The following ADCY3 variants were observed in gnomAD, a reference collection of about 807,000 sequenced individuals.
ADCY3 encodes the protein adenylate cyclase type 3.
A neutral mutation model predicts 119.4 loss-of-function variants in ADCY3; 70 were observed. The observed-to-expected ratio is 0.59, with a 90% CI of 0.48 to 0.72. The LOEUF (loss-of-function observed/expected upper bound fraction) is 0.72, where lower values mean the gene tolerates loss of function less well. Among genes scored for constraint, ADCY3 ranks in the 30% least tolerant of loss-of-function variants. The pLI, the probability that ADCY3 is intolerant of heterozygous loss-of-function variation, is 0.00. For missense variants in ADCY3, 1,238 were observed against 1,541.6 expected (o/e 0.80, Z 3.30); for synonymous variants, 672 against 621.4 (o/e 1.08, Z -1.21).
At chr2:24,820,933 C>T in intron 20 of ADCY3, 85 bp from the exon 21 acceptor site, 1 of 1,540,444 alleles carries the variant, frequency 6.5e-7, no homozygotes, top group Non-Finnish European at 8.8e-7. Flanking sequence ...CAGACCTGTA[C>T]CACAAAGCTC....
intron 2 of ADCY3, among the ~76,000 whole-genome samples, chr2:24,876,908 A>G (rs1019428061): frequency 2.0e-5 from 3 of 152,188 alleles, no homozygotes; most frequent in African/African-American, 4.8e-5. Context: ...TTCCCACTCC[A>G]AGGTACGAGT....
rs72848403 is a variant in ADCY3, at chr2:24,878,414, G to C, written c.676-5695C>G. Among the ~76,000 whole-genome samples the C allele has an allele frequency of 0.018, 2,703 of 152,180 alleles. 75 individuals are homozygous for C. The highest frequency in any genetic ancestry group is 0.062 in the African/African-American group (2,584 of 41,488). Reference sequence around the variant, plus strand: ...CTGGAGGCGGTTTGGTGGCTCTCTTGCCCAAACCAATCTCTTCCTATAAGC... The same window carrying C: ...CTGGAGGCGGTTTGGTGGCTCTCTTCCCCAAACCAATCTCTTCCTATAAGC... On this transcript the variant is annotated intron_variant, in intron 2 of 21. Coordinates refer to ENST00000679454, the MANE Select transcript of ADCY3 (RefSeq NM_004036.5). The surrounding 1 kb of genome is among the most constrained non-coding windows in gnomAD (Gnocchi z 4.0).
chr2:24,832,078 CA>C (rs1469255745), intron 11 of ADCY3: 5 of 41,250 alleles, frequency 1.2e-4, no homozygotes, highest in Admixed American at 4.8e-4. Context: ...GGGCAGGGGA[CA>C]GGGGCCGGGG....
chr2:24,886,882 C>A (rs1348816172), intron 2 of ADCY3, among the ~76,000 whole-genome samples: 3 of 152,224 alleles, frequency 2.0e-5, no homozygotes, highest in Non-Finnish European at 4.4e-5. Flanking sequence ...CCCTGGGGCT[C>A]TGCTAGGCAG....
chr2:24,864,565 G>A (rs1008091216), intron 3 of ADCY3, among the ~76,000 whole-genome samples: 5 of 152,172 alleles, frequency 3.3e-5, no homozygotes, highest in African/African-American at 9.7e-5. Context: ...TGATCTGCCC[G>A]ACGACACAGA....
chr2:24,895,432 G>A (rs1291552779), intron 2 of ADCY3, among the ~76,000 whole-genome samples: 1 of 151,996 alleles, frequency 6.6e-6, no homozygotes. Flanking sequence ...ATTCTGTTGA[G>A]CTTCTTGAGT....
Position 24,819,940 on chromosome 2 carries a change from T to C in ADCY3, c.3427A>G (p.Asn1143Asp). The change falls in exon 22 of 22, where the codon AAC (asparagine) becomes GAC (aspartate). Residue 1143 changes from asparagine to aspartate, a missense_variant. Physicochemically the swap from Asn to Asp is conservative, Grantham distance 23. Around this residue, in one of 7 missense-constraint regions of ADCY3, gnomAD observed 86 missense variants for 70.7 expected, o/e 1.22. Coordinates refer to ENST00000679454, the MANE Select transcript of ADCY3 (RefSeq NM_004036.5). The part of the protein sequence containing the change: ...SVTLPHQVVD[N>D]S ...TGCAGGCTCGAGGCCATTCAGGAGT[T>C]GTCCACCACCTGGTGGGGCAGTGTG... 4 of 1,613,896 alleles carry C rather than the reference T, an allele frequency of 2.5e-6. No individual in the cohort carries two copies. Among genetic ancestry groups the C allele is most frequent in the Non-Finnish European group, 3.4e-6 (4 of 1,179,918 alleles).
At chr2:24,884,599 C>T (rs1032411191) in intron 2 of ADCY3, among the ~76,000 whole-genome samples, 14 of 151,560 alleles carry the variant, frequency 9.2e-5, no homozygotes, top group Non-Finnish European at 1.5e-4. Context: ...CCTCAGCCTC[C>T]CGAGTATCTG....
At chr2:24,821,054 C>T (rs73923431) in intron 20 of ADCY3, 8 of 654,230 alleles carry the variant, frequency 1.2e-5, no homozygotes, top group African/African-American at 3.7e-5. Flanking sequence ...GCCACCCCCC[C>T]CCCATATGCA....
intron 2 of ADCY3, among the ~76,000 whole-genome samples, chr2:24,887,789 C>T (rs925786505): frequency 9.9e-5 from 15 of 152,144 alleles, no homozygotes; most frequent in African/African-American, 2.7e-4. Context: ...GCCTCCCCTG[C>T]GAAATGCAAA....
At chr2:24,839,826 G>A (rs564659612) in intron 7 of ADCY3, 47 bp downstream of exon 7, 20 of 1,611,208 alleles carry the variant, frequency 1.2e-5, no homozygotes, top group African/African-American at 8.0e-5. Flanking sequence ...TGGAGGGGAC[G>A]GTCCCCTCCC....
rs530254377 is a variant in ADCY3 at position 24,879,834 on chromosome 2, C to A, written c.676-7115G>T. On this transcript the variant is annotated intron_variant, in intron 2 of 21. Transcript: ENST00000679454. ...ATGGGTGTCTGCCAAGGCGGGGCTA[C>A]AGCCGCGGCACAGGGGGCTCCCCAA... Among the ~76,000 whole-genome samples, 4 of 152,196 alleles carry A rather than the reference C, an allele frequency of 2.6e-5. No individual in the cohort carries two copies. In the South Asian group the frequency reaches 8.3e-4, roughly 32 times the overall value.
intron 3 of ADCY3, among the ~76,000 whole-genome samples, chr2:24,869,649 TC>T (rs763564587): frequency 3.4e-4 from 51 of 152,078 alleles, no homozygotes; most frequent in Non-Finnish European, 6.5e-4. Context: ...CAAGTGATCC[TC>T]CTGTCTCAAT....
At chr2:24,822,761 A>G in intron 18 of ADCY3, 131 bp from the exon 19 acceptor site, 1 of 1,243,434 alleles carries the variant, frequency 8.0e-7, no homozygotes, top group African/African-American at 1.5e-5. Context: ...GTTGTTACTT[A>G]GTCTACCGCT....
intron 3 of ADCY3, among the ~76,000 whole-genome samples, chr2:24,852,133 A>G (rs1572890230): frequency 1.3e-5 from 2 of 152,108 alleles, no homozygotes; most frequent in African/African-American, 2.4e-5. Context: ...GCTCCATGCC[A>G]CCTGGGCGTG....
At chr2:24,849,565 G>A (rs1672051452) in intron 3 of ADCY3, among the ~76,000 whole-genome samples, 1 of 152,198 alleles carries the variant, frequency 6.6e-6, no homozygotes, top group Non-Finnish European at 1.5e-5. Context: ...TAAATAACAA[G>A]AAAGGAGCTA....
At chr2:24,914,047 T>C (rs10203482) in intron 2 of ADCY3, among the ~76,000 whole-genome samples, 81,298 of 151,430 alleles carry the variant, frequency 0.54, 24,633 homozygotes, top group African/African-American at 0.84. Flanking sequence ...CTGAGCCCAG[T>C]CCCCTCCTTC....
At chr2:24,873,895 G>A (rs1675329600) in intron 2 of ADCY3, among the ~76,000 whole-genome samples, 1 of 152,252 alleles carries the variant, frequency 6.6e-6, no homozygotes, top group Non-Finnish European at 1.5e-5. Flanking sequence ...GATGGGAAGA[G>A]AAGCGGAAGA....
chr2:24,918,692 A>G lies in ADCY3; in HGVS notation c.296T>C (p.Val99Ala), dbSNP rs779089313. 4.3e-6 allele frequency: 7 copies of G among 1,613,962 alleles called. No homozygotes were observed. Among genetic ancestry groups the G allele is most frequent in the Non-Finnish European group, 3.4e-6 (4 of 1,180,002 alleles). Residue 99 changes from valine to alanine, a missense_variant, in exon 2 of 22, where the codon GTC becomes GCC. By Grantham distance (64) the Val-to-Ala change is moderately conservative. Coordinates refer to ENST00000679454, the MANE Select transcript of ADCY3 (RefSeq NM_004036.5). The surrounding 1 kb of genome is among the most constrained non-coding windows in gnomAD (Gnocchi z 5.4). ...DCYVVVMCAV[V>A]FSSDKLASLA... ...GGAAGCCAGCTTGTCGCTGGAGAAG[A>G]CCACAGCACACATGACCACCACGTA...
Sources: gnomAD v4.1 joint callset for allele counts (sites outside exome capture counted in the v4.1 genomes callset) on GRCh38, gnomAD v4.1.1 for gene constraint, gnomAD v4.1.1 regional missense constraint, Gnocchi (gnomAD v3.1) non-coding constraint, MANE v1.5 for transcripts, NCBI Gene and HGNC (gene_info 2026-07-23, HGNC 2026-07-21) for gene names.